The following MAP1B variants were observed in gnomAD, a reference collection of about 807,000 sequenced individuals.
MAP1B encodes microtubule-associated protein 1B.
A neutral mutation model predicts 176.1 loss-of-function variants in MAP1B; 12 were observed. The observed-to-expected ratio is 0.07, with a 90% CI of 0.04 to 0.11. The LOEUF is 0.11. Ranked by LOEUF, MAP1B falls within the 10% of genes least tolerant of loss-of-function variation. The pLI is 1.00. For synonymous variants in MAP1B, 1,044 were observed against 1,135.0 expected, an observed-to-expected ratio of 0.92 and a Z score of 1.61; for missense variants, 2,523 against 2,990.5, an observed-to-expected ratio of 0.84 and a Z score of 3.65.
chr5:72,200,163 G>C lies in MAP1B; in HGVS notation c.6808G>C (p.Ala2270Pro), dbSNP rs758245030. The stretch of plus-strand genomic sequence containing the variant: ...TGATGGGAAGTCTAAGCCCTTGGCA[G>C]CTTCACCAAAACCAGCGGGCTTGAA... ...KSDGKSKPLAASPKPAGLKES... is the reference protein window; with the variant it reads ...KSDGKSKPLAPSPKPAGLKES... The change falls in exon 5 of 7, where the codon GCT becomes CCT. Residue 2270 changes from alanine (A) to proline (P), a missense_variant. Ala to Pro is a conservative substitution (Grantham distance 27, BLOSUM62 -1). Transcript: ENST00000296755. 1 of 1,614,272 alleles carries C rather than the reference G, an allele frequency of 6.2e-7. No homozygotes were observed. The highest frequency in any genetic ancestry group is 1.1e-5 in the South Asian group (1 of 91,088).
At position 72,200,143 on chromosome 5, in the gene MAP1B, G is replaced by A; in HGVS notation, c.6788G>A (p.Gly2263Glu). The A allele has an allele frequency of 6.2e-7, 1 of 1,614,224 alleles. No individual in the cohort carries two copies. Among genetic ancestry groups the A allele is most frequent in the Non-Finnish European group, 8.5e-7 (1 of 1,180,044 alleles). Residue 2263 changes from glycine (G) to glutamate (E), a missense_variant, in exon 5 of 7, where the codon GGG becomes GAG. This residue lies in a region of MAP1B where 287 missense variants were observed against 401.5 expected (regional missense o/e 0.71). Transcript: ENST00000296755. ...KSSSPVKKSD[G>E]KSKPLAASPK... ...TCTTCACCTGTCAAAAAGAGTGATG[G>A]GAAGTCTAAGCCCTTGGCAGCTTCA... is the stretch of plus-strand genomic sequence containing the variant.
chr5:72,192,324 A>G (rs961660730), intron 4 of MAP1B, among the ~76,000 whole-genome samples: 3 of 152,230 alleles, frequency 2.0e-5, no homozygotes, highest in Non-Finnish European at 2.9e-5. Flanking sequence ...CAAAGATGGT[A>G]TTACCATTTG....
intron 2 of MAP1B, among the ~76,000 whole-genome samples, chr5:72,180,240 C>T (rs762010639): frequency 3.3e-5 from 5 of 152,196 alleles, no homozygotes; most frequent in Admixed American, 6.5e-5. Flanking sequence ...TGGATTCCTG[C>T]AGAATACAGA....
intron 2 of MAP1B, among the ~76,000 whole-genome samples, chr5:72,180,204 A>C (rs1292206923): frequency 6.6e-6 from 1 of 152,190 alleles, no homozygotes; most frequent in African/African-American, 2.4e-5. Flanking sequence ...GAGCCACTTT[A>C]TGTACCTTGC....
At chr5:72,154,236 G>T (rs1746191354) in intron 2 of MAP1B, among the ~76,000 whole-genome samples, 1 of 152,142 alleles carries the variant, frequency 6.6e-6, no homozygotes, top group Non-Finnish European at 1.5e-5. Flanking sequence ...TGTTCCCAGA[G>T]GGAATAGGAT....
chr5:72,184,383 T>A (rs1255582734), intron 3 of MAP1B, among the ~76,000 whole-genome samples: 1 of 152,244 alleles, frequency 6.6e-6, no homozygotes, highest in African/African-American at 2.4e-5. Context: ...AGTTATTTAC[T>A]GTCTTTGTCT....
At chr5:72,167,015 TC>T (rs1215789226) in intron 2 of MAP1B, among the ~76,000 whole-genome samples, 32 of 115,204 alleles carry the variant, frequency 2.8e-4, no homozygotes, top group African/African-American at 1.1e-3. Context: ...CTATATTCCT[TC>T]TTTTTTTTTT....
At chr5:72,205,041 G>A in intron 6 of MAP1B, 43 bp from the exon 7 acceptor site, 2 of 1,555,956 alleles carry the variant, frequency 1.3e-6, no homozygotes, top group Non-Finnish European at 1.7e-6. Context: ...TATGGTTTCT[G>A]TTTCTGCCCT....
At chr5:72,151,422 G>A (rs1393991674) in intron 2 of MAP1B, among the ~76,000 whole-genome samples, 2 of 152,182 alleles carry the variant, frequency 1.3e-5, no homozygotes, top group African/African-American at 4.8e-5. Flanking sequence ...AAGCATTGCA[G>A]TGGGGAAGTC....
At chr5:72,158,483 A>G (rs1746271419) in intron 2 of MAP1B, among the ~76,000 whole-genome samples, 2 of 152,232 alleles carry the variant, frequency 1.3e-5, no homozygotes, top group Non-Finnish European at 2.9e-5. Flanking sequence ...GAAAATGTGA[A>G]TGGATTCCTT....
intron 2 of MAP1B, among the ~76,000 whole-genome samples, chr5:72,150,805 A>C (rs1746127107): frequency 6.6e-6 from 1 of 152,176 alleles, no homozygotes; most frequent in Admixed American, 6.5e-5. Context: ...CTCCAGCTCC[A>C]TCCATGTCCC....
Position 72,205,381 on chromosome 5 carries a change from T to C in MAP1B, c.*142T>C. 2 of 762,682 alleles carry C rather than the reference T, an allele frequency of 2.6e-6. No individual in the cohort carries two copies. The highest frequency in any genetic ancestry group is 3.3e-5 in the Admixed American group (1 of 30,046). 47.2% of individuals were successfully genotyped at this position (762,682 alleles called of 1,614,324 possible). On this transcript the variant is annotated 3_prime_UTR_variant, in exon 7 of 7. Transcript: ENST00000296755. ...CAAATGCTATACTGTGTCATGGTGATGCAAGTCACTAAATTTCTCAGTTTT... is the reference window on the plus strand; with the variant it reads ...CAAATGCTATACTGTGTCATGGTGACGCAAGTCACTAAATTTCTCAGTTTT...
intron 2 of MAP1B, among the ~76,000 whole-genome samples, chr5:72,122,571 G>A (rs916996216): frequency 3.3e-5 from 5 of 151,874 alleles, no homozygotes; most frequent in Non-Finnish European, 4.4e-5. Context: ...CCATGTTCAG[G>A]CTTCCTCATT....
In MAP1B at chr5:72,205,901, T is replaced by C. The variant is rs959871651; in HGVS notation, c.*662T>C. The C allele has an allele frequency of 3.9e-5, 6 of 152,526 alleles. No individual in the cohort carries two copies. Among genetic ancestry groups the C allele is most frequent in the African/African-American group, 1.2e-4 (5 of 41,440 alleles). 9.4% of individuals were successfully genotyped at this position (152,526 alleles called of 1,614,324 possible). ...GAACAACACTTGTTATGAGGGCATGTGATATTTTCACATCTTAATTAAGCT... is the reference window on the plus strand; with the variant it reads ...GAACAACACTTGTTATGAGGGCATGCGATATTTTCACATCTTAATTAAGCT... On this transcript the variant is annotated 3_prime_UTR_variant, in exon 7 of 7. Transcript: ENST00000296755.
At chr5:72,159,171 C>CT in intron 2 of MAP1B, among the ~76,000 whole-genome samples, 1 of 152,008 alleles carries the variant, frequency 6.6e-6, no homozygotes, top group Non-Finnish European at 1.5e-5. Context: ...AGAGAAGGAA[C>CT]CTTGTGCAAT....
chr5:72,153,323 G>T (rs935058932), intron 2 of MAP1B, among the ~76,000 whole-genome samples: 6 of 152,058 alleles, frequency 3.9e-5, no homozygotes, highest in Admixed American at 1.3e-4. Context: ...CCATTTTCCT[G>T]CTGGAAACTC....
intron 2 of MAP1B, among the ~76,000 whole-genome samples, chr5:72,177,916 C>G (rs895273229): frequency 9.2e-5 from 14 of 152,050 alleles, no homozygotes; most frequent in African/African-American, 3.4e-4. Context: ...ATTTTCTCTT[C>G]CTTCCCTTCC....
intron 2 of MAP1B, among the ~76,000 whole-genome samples, chr5:72,126,748 C>G (rs1261743323): frequency 6.6e-6 from 1 of 152,210 alleles, no homozygotes; most frequent in Non-Finnish European, 1.5e-5. Context: ...AAAAAACTGC[C>G]TGTCCCATCC....
In MAP1B at chr5:72,115,767, G is replaced by A; in HGVS notation, c.254G>A (p.Arg85Gln). 2 of 1,613,682 alleles carry A rather than the reference G, an allele frequency of 1.2e-6. No homozygotes were observed. The highest frequency in any genetic ancestry group is 1.7e-6 in the Non-Finnish European group (2 of 1,179,680). Residue 85 changes from arginine to glutamine, a missense_variant, in exon 2 of 7, where the codon CGA (arginine) becomes CAA (glutamine). Arg to Gln is a conservative substitution (Grantham distance 43, BLOSUM62 1). This residue lies in a region of MAP1B where 307 missense variants were observed against 438.4 expected (regional missense o/e 0.70). Coordinates refer to ENST00000296755, the MANE Select transcript of MAP1B (RefSeq NM_005909.5). ...LDQELKLFVS[R>Q]HSARFSPEVP... ...CAAGAACTCAAACTTTTTGTATCTC[G>A]ACACTCTGCAAGATTCTCTCCTGAA...
Sources: gnomAD v4.1 joint callset for allele counts (sites outside exome capture counted in the v4.1 genomes callset) on GRCh38, gnomAD v4.1.1 for gene constraint, gnomAD v4.1.1 regional missense constraint, MANE v1.5 for transcripts, NCBI Gene and HGNC (gene_info 2026-07-23, HGNC 2026-07-21) for gene names.